ANKMY2: variants seen among roughly 807,000 people sequenced by gnomAD.
ANKMY2 encodes ankyrin repeat and MYND domain-containing protein 2.
Under a neutral mutation model 50.4 loss-of-function variants are expected in ANKMY2, and 36 were observed. That is an observed-to-expected ratio of 0.71 (90% CI 0.55 to 0.94). ANKMY2 has a LOEUF of 0.94. Ranked by LOEUF, ANKMY2 falls within the 40% of genes least tolerant of loss-of-function variation. The pLI is 0.00. For synonymous variants in ANKMY2, 187 were observed against 178.8 expected (o/e 1.05, Z -0.36); for missense variants, 565 against 524.0 (o/e 1.08, Z -0.76).
At chr7:16,624,932 A>G in intron 4 of ANKMY2, 51 bp downstream of exon 4, 1 of 1,525,896 alleles carries the variant, frequency 6.6e-7, no homozygotes, top group Non-Finnish European at 9.0e-7. Flanking sequence ...TTTTTTTTCC[A>G]CAAGGGAAAT....
At chr7:16,608,102 A>G (rs1011824993) in intron 7 of ANKMY2, among the ~76,000 whole-genome samples, 2 of 152,140 alleles carry the variant, frequency 1.3e-5, no homozygotes, top group Non-Finnish European at 2.9e-5. Context: ...ATTGGAAGGG[A>G]AAGATGAGAA....
intron 5 of ANKMY2, among the ~76,000 whole-genome samples, chr7:16,611,908 G>A (rs1286307299): frequency 6.6e-6 from 1 of 152,154 alleles, no homozygotes; most frequent in Non-Finnish European, 1.5e-5. Flanking sequence ...AGGCACATGG[G>A]GCACTTTCCC....
Position 16,637,543 on chromosome 7 carries a change from A to AT in ANKMY2, c.68-1089dup, listed in dbSNP as rs532314528. 4.9e-4 allele frequency among the ~76,000 whole-genome samples: 74 copies of AT among 152,064 alleles called. No homozygotes were observed. In the East Asian group the frequency reaches 5.6e-3, roughly 12 times the overall value. ...ACGTCCCTGGAGTATGATAGCAGCT[A>AT]TTTTTTTTATAAATAATGCATTTTT... On this transcript the variant is annotated intron_variant, in intron 1 of 9. Coordinates refer to ENST00000306999, the MANE Select transcript of ANKMY2 (RefSeq NM_020319.3).
In ANKMY2 at chr7:16,609,763, A is replaced by G. The variant is rs1344843900; in HGVS notation, c.749T>C (p.Leu250Ser). 1.2e-6 allele frequency: 2 copies of G among 1,607,918 alleles called. No homozygotes were observed. The highest frequency in any genetic ancestry group is 1.1e-5 in the South Asian group (1 of 89,984). ...GCCATCAGAAGCTCGGCCTTTTAAC[A>G]AGCTGAAAGATATTTTTTAAAGCGT... The part of the protein sequence containing the change: ...ENKLDTLIKS[L>S]LKGRASDGFP... Residue 250 changes from leucine (L) to serine (S), a missense_variant and splice_region_variant, in exon 7 of 10, where the codon TTG (leucine) becomes TCG (serine). By Grantham distance (145) the Leu-to-Ser change is moderately radical. Coordinates refer to ENST00000306999, the MANE Select transcript of ANKMY2 (RefSeq NM_020319.3).
chr7:16,641,185 G>C (rs888734995), intron 1 of ANKMY2, among the ~76,000 whole-genome samples: 7 of 152,114 alleles, frequency 4.6e-5, no homozygotes, highest in African/African-American at 1.7e-4. Context: ...AGTGAGCCGA[G>C]AGCGCACCAT....
intron 5 of ANKMY2, among the ~76,000 whole-genome samples, chr7:16,615,093 C>T (rs998601814): frequency 6.6e-6 from 1 of 152,088 alleles, no homozygotes; most frequent in Non-Finnish European, 1.5e-5. Flanking sequence ...TATGTGTTGG[C>T]CTATGAAATT....
At chr7:16,622,750 GAATAAATAAATAAATA>G (rs146183196) in intron 4 of ANKMY2, among the ~76,000 whole-genome samples, 11 of 133,504 alleles carry the variant, frequency 8.2e-5, no homozygotes, top group African/African-American at 2.9e-4. Context: ...AAAAATAAAT[GAATAAATAAATAAATA>G]AATAAATAAA....
Position 16,600,862 on chromosome 7 carries a change from G to C in ANKMY2, c.1225C>G (p.Pro409Ala). The C allele has an allele frequency of 6.2e-7, 1 of 1,613,320 alleles. No homozygotes were observed. The highest frequency in any genetic ancestry group is 8.5e-7 in the Non-Finnish European group (1 of 1,179,626). Residue 409 changes from proline to alanine, a missense_variant, in exon 10 of 10, where the codon CCT becomes GCT. Pro to Ala is a conservative substitution (Grantham distance 27, BLOSUM62 -1). Coordinates refer to ENST00000306999, the MANE Select transcript of ANKMY2 (RefSeq NM_020319.3). ...TTCTTTCCTTCCCCGGAATCTTCAG[G>C]ATTGGAATCCTTTTGAGAGATACCT... is the stretch of plus-strand genomic sequence containing the variant. ...EVGISQKDSN[P>A]EDSGEGKKES...
At chr7:16,627,249 C>A in intron 2 of ANKMY2, 71 bp from the exon 3 acceptor site, 1 of 969,490 alleles carries the variant, frequency 1.0e-6, no homozygotes, top group Non-Finnish European at 1.5e-6. Flanking sequence ...ACAATTTCTG[C>A]AATTAGAAAC....
At position 16,639,348 on chromosome 7, in the gene ANKMY2, A is replaced by G. The variant is rs552720271; in HGVS notation, c.68-2893T>C. Among the ~76,000 whole-genome samples, 8 of 152,356 alleles carry G rather than the reference A, an allele frequency of 5.3e-5. No individual in the cohort carries two copies. In the East Asian group the frequency reaches 9.6e-4, roughly 18 times the overall value. Reference sequence around the variant, plus strand: ...TGCTGGGGGTGGAAGATAGAGTACTATAAGAAGGGATGTGCAAGGAGCCAA... The same window carrying G: ...TGCTGGGGGTGGAAGATAGAGTACTGTAAGAAGGGATGTGCAAGGAGCCAA... On this transcript the variant is annotated intron_variant, in intron 1 of 9. Transcript: ENST00000306999.
chr7:16,639,349 T>G (rs1583686379), intron 1 of ANKMY2, among the ~76,000 whole-genome samples: 1 of 152,176 alleles, frequency 6.6e-6, no homozygotes. Flanking sequence ...TAGAGTACTA[T>G]AAGAAGGGAT....
chr7:16,638,395 A>T (rs1330842181), intron 1 of ANKMY2, among the ~76,000 whole-genome samples: 12 of 152,136 alleles, frequency 7.9e-5, no homozygotes, highest in Admixed American at 7.9e-4. Flanking sequence ...CACTACTTAC[A>T]TTTACCCATC....
intron 4 of ANKMY2, among the ~76,000 whole-genome samples, chr7:16,624,339 A>C (rs1271198822): frequency 1.3e-5 from 2 of 152,044 alleles, no homozygotes; most frequent in African/African-American, 2.4e-5. Context: ...ATTCACTCCC[A>C]CTCTTTCCTT....
intron 1 of ANKMY2, among the ~76,000 whole-genome samples, chr7:16,643,554 G>A (rs992724376): frequency 5.3e-5 from 8 of 152,070 alleles, no homozygotes; most frequent in East Asian, 1.9e-4. Context: ...TTGATGCACC[G>A]TGTGAGCCCA....
chr7:16,602,697 G>A (rs1389106471), intron 8 of ANKMY2, among the ~76,000 whole-genome samples, 188 bp from the exon 9 acceptor site: 1 of 152,190 alleles, frequency 6.6e-6, no homozygotes, highest in Admixed American at 6.5e-5. Flanking sequence ...GATCCCAAAT[G>A]TTGGAGGTGG....
chr7:16,616,282 G>C (rs867762364), intron 4 of ANKMY2, among the ~76,000 whole-genome samples: 6 of 151,994 alleles, frequency 3.9e-5, no homozygotes, highest in Admixed American at 6.6e-5. Flanking sequence ...ACATCCAGTT[G>C]TATTTACACA....
chr7:16,628,500 A>G (rs184100931), intron 2 of ANKMY2, among the ~76,000 whole-genome samples: 187 of 119,976 alleles, frequency 1.6e-3, no homozygotes, highest in African/African-American at 5.7e-3. Flanking sequence ...GAGATGGAAT[A>G]TTAGTATGCT....
chr7:16,644,647 G>C (rs950038793), intron 1 of ANKMY2: 2 of 470,574 alleles, frequency 4.3e-6, no homozygotes, highest in Non-Finnish European at 8.8e-6. Flanking sequence ...CCTGCACCGT[G>C]AGGGTGCAGA....
intron 7 of ANKMY2, among the ~76,000 whole-genome samples, chr7:16,606,269 G>A (rs1211549066): frequency 6.6e-6 from 1 of 151,772 alleles, no homozygotes; most frequent in African/African-American, 2.4e-5. Context: ...CGACTCTACT[G>A]AAAATACAAA....
Sources: gnomAD v4.1 joint callset for allele counts (sites outside exome capture counted in the v4.1 genomes callset) on GRCh38, gnomAD v4.1.1 for gene constraint, MANE v1.5 for transcripts, NCBI Gene and HGNC (gene_info 2026-07-23, HGNC 2026-07-21) for gene names.